The following PASK variants were observed in gnomAD, a reference collection of about 807,000 sequenced individuals.
The protein encoded by PASK is PAS domain-containing serine/threonine-protein kinase.
A neutral mutation model predicts 121.0 loss-of-function variants in PASK; 110 were observed. That is an observed-to-expected ratio of 0.91 (90% confidence interval 0.78 to 1.06). PASK has a LOEUF of 1.06. PASK is among the 50% of genes least tolerant of loss of function. The probability of loss-of-function intolerance (pLI) is 0.00; values close to 1 mark genes in which losing one functional copy is unlikely to be tolerated. For synonymous variants in PASK, 686 were observed against 717.8 expected (o/e 0.96, Z 0.71); for missense variants, 1,643 against 1,702.3 (o/e 0.97, Z 0.61).
In PASK at chr2:241,126,386, GC is replaced by G; in HGVS notation, c.2528del (p.Ser843ThrfsTer25). On this transcript the variant is annotated frameshift_variant, in exon 10 of 18. Coordinates refer to ENST00000234040, the MANE Select transcript of PASK (RefSeq NM_015148.4). LOFTEE classifies it high-confidence loss of function. Reference sequence around the variant, plus strand: ...CCAACGTGGAAGGAACGTGTCCTGGGCTTTCTCTGTCGCTTGCTGCATAATG... The same window carrying G: ...CCAACGTGGAAGGAACGTGTCCTGGGTTTCTCTGTCGCTTGCTGCATAATG... The part of the protein sequence containing the change: ...SEHYAASDRE[S>X]PGHVPSTLDA... 1 of 1,614,260 alleles carries G rather than the reference GC, an allele frequency of 6.2e-7. No individual in the cohort carries two copies. The highest frequency in any genetic ancestry group is 8.5e-7 in the Non-Finnish European group (1 of 1,180,052).
Position 241,135,930 on chromosome 2 carries a change from C to A in PASK, c.1247G>T (p.Gly416Val). The A allele has an allele frequency of 6.2e-7, 1 of 1,614,216 alleles. No individual in the cohort carries two copies. The highest frequency in any genetic ancestry group is 8.5e-7 in the Non-Finnish European group (1 of 1,180,022). ...ASCLDVGNES[G>V]CGERTLDPWQ... ...CGGGTCCAAGGTTCTCTCCCCACAC[C>A]CACTCTCATTGCCGACGTCCAGGCA... The change falls in exon 8 of 18, where the codon GGG becomes GTG. Residue 416 changes from glycine to valine, a missense_variant. Gly to Val is a moderately radical substitution (Grantham distance 109, BLOSUM62 -3). Coordinates refer to ENST00000234040, the MANE Select transcript of PASK (RefSeq NM_015148.4).
chr2:241,124,143 G>T lies in PASK; in HGVS notation c.2720-10C>A, dbSNP rs2065750239. The T allele has an allele frequency of 6.2e-7, 1 of 1,612,588 alleles. No homozygotes were observed. Among genetic ancestry groups the T allele is most frequent in the Non-Finnish European group, 8.5e-7 (1 of 1,179,048 alleles). On this transcript the variant is annotated splice_polypyrimidine_tract_variant and intron_variant, in intron 10 of 17. Coordinates refer to ENST00000234040, the MANE Select transcript of PASK (RefSeq NM_015148.4). ...ACCTCAAACTGTATACCTGAAGGGT[G>T]AGAAGGTAAGAACGCACAGGCCTGT...
chr2:241,107,742 G>A (rs1407278556), intron 16 of PASK, among the ~76,000 whole-genome samples: 2 of 152,230 alleles, frequency 1.3e-5, no homozygotes, highest in Non-Finnish European at 2.9e-5. Context: ...GTGGTGCAGA[G>A]GTTCCTAACT....
At chr2:241,111,018 G>A (rs893199493) in intron 15 of PASK, among the ~76,000 whole-genome samples, 3 of 152,248 alleles carry the variant, frequency 2.0e-5, no homozygotes, top group Non-Finnish European at 2.9e-5. Context: ...GTTGGCGCAG[G>A]CTGAGGCTGC....
At chr2:241,142,047 A>C (rs1425258111) in intron 2 of PASK, among the ~76,000 whole-genome samples, 1 of 151,736 alleles carries the variant, frequency 6.6e-6, no homozygotes, top group Non-Finnish European at 1.5e-5. Context: ...GGTGAAGCCC[A>C]CTCCCAAGGG....
In PASK at chr2:241,126,830, C is replaced by T. The variant is rs141882381; in HGVS notation, c.2085G>A (p.Ser695=). 7.4e-6 allele frequency: 12 copies of T among 1,613,344 alleles called. No homozygotes were observed. Among genetic ancestry groups the T allele is most frequent in the South Asian group, 1.1e-5 (1 of 91,070 alleles). The part of the protein sequence containing the change: ...TECQAVTAPV[S]SCDLGGRDLC... ...GGTCTCTGCCTCCCAGATCGCAGGA[C>T]GACACAGGAGCGGTGACAGCCTGGC... Residue 695 remains serine, a synonymous_variant, in exon 10 of 18, where the codon TCG becomes TCA. Transcript: ENST00000234040.
At chr2:241,109,330 C>G (rs747320106) in intron 15 of PASK, 1 of 152,504 alleles carries the variant, frequency 6.6e-6, no homozygotes, top group Non-Finnish European at 1.5e-5. Context: ...GCACCAGAGC[C>G]AGGTCACCAG....
At chr2:241,116,483 C>G (rs1038421532) in intron 12 of PASK, among the ~76,000 whole-genome samples, 3 of 152,220 alleles carry the variant, frequency 2.0e-5, no homozygotes, top group Middle Eastern at 3.4e-3. Flanking sequence ...CACGTCACCC[C>G]GACTTCTCAA....
At chr2:241,135,447 G>C (rs1002424486) in intron 8 of PASK, among the ~76,000 whole-genome samples, 1 of 152,102 alleles carries the variant, frequency 6.6e-6, no homozygotes, top group South Asian at 2.1e-4. Flanking sequence ...AGGTTGAAAA[G>C]AATCTGTGTA....
intron 9 of PASK, among the ~76,000 whole-genome samples, chr2:241,128,266 G>A (rs1368658609): frequency 6.6e-6 from 1 of 152,224 alleles, no homozygotes; most frequent in Admixed American, 6.5e-5. Flanking sequence ...GGGTGACAGA[G>A]TGAGACTCCG....
At position 241,107,477 on chromosome 2, in the gene PASK, C is replaced by T; in HGVS notation, c.3690G>A (p.Gly1230=). The part of the protein sequence containing the change: ...VSKELMSLVS[G]LLQPVPERRT... ...GTCTCTCAGGGACTGGCTGCAGCAGCCCAGACACAAGGCTCATGAGTTCTG... is the reference window on the plus strand; with the variant it reads ...GTCTCTCAGGGACTGGCTGCAGCAGTCCAGACACAAGGCTCATGAGTTCTG... The change falls in exon 17 of 18, where the codon GGG becomes GGA. Residue 1230 remains glycine, a synonymous_variant. Transcript: ENST00000234040. The T allele has an allele frequency of 6.2e-7, 1 of 1,614,030 alleles. No homozygotes were observed. The highest frequency in any genetic ancestry group is 8.5e-7 in the Non-Finnish European group (1 of 1,179,938).
intron 9 of PASK, among the ~76,000 whole-genome samples, chr2:241,128,088 C>T (rs1046612623): frequency 6.6e-6 from 1 of 152,216 alleles, no homozygotes; most frequent in Non-Finnish European, 1.5e-5. Context: ...CGAGACCAGA[C>T]TGGCCAACAT....
chr2:241,107,407 G>A lies in PASK; in HGVS notation c.3760C>T (p.Pro1254Ser), dbSNP rs535551889. ...KLVTDPWVTQ[P>S]VNLADYTWEE... Reference sequence around the variant, plus strand: ...CATGTATAGTCAGCAAGATTCACAGGCTGTGTTACCCACGGGTCTGTCACC... The same window carrying A: ...CATGTATAGTCAGCAAGATTCACAGACTGTGTTACCCACGGGTCTGTCACC... The change falls in exon 17 of 18, where the codon CCT becomes TCT. Residue 1254 changes from proline to serine, a missense_variant. By Grantham distance (74) the Pro-to-Ser change is moderately conservative. Transcript: ENST00000234040. 8.7e-6 allele frequency: 14 copies of A among 1,613,860 alleles called. No homozygotes were observed. In the South Asian group the frequency reaches 1.4e-4, roughly 16 times the overall value.
intron 15 of PASK, among the ~76,000 whole-genome samples, chr2:241,110,682 T>C (rs1050787284): frequency 6.6e-6 from 1 of 151,850 alleles, no homozygotes; most frequent in Non-Finnish European, 1.5e-5. Flanking sequence ...ACGGCCTGGG[T>C]ACAGGAAGGG....
chr2:241,122,774 G>GT lies in PASK; in HGVS notation c.3029_3030insA (p.Phe1010LeufsTer22), dbSNP rs1559369555. ...TGTCCACAGCAGTCCACACGAAGCC[G>GT]AAGGCCCCACTGCCCAGCGGGCTCA... On this transcript the variant is annotated frameshift_variant, in exon 12 of 18. Transcript: ENST00000234040. LOFTEE classifies it high-confidence loss of function. 6.2e-7 allele frequency: 1 copy of GT among 1,614,112 alleles called. No individual in the cohort carries two copies. Among genetic ancestry groups the GT allele is most frequent in the Admixed American group, 1.7e-5 (1 of 60,016 alleles).
rs62187393 is a variant in PASK at position 241,117,099 on chromosome 2, C to T, written c.3073-1686G>A. Among the ~76,000 whole-genome samples, 664 of 148,348 alleles carry T rather than the reference C, an allele frequency of 4.5e-3. 1 individual carries two copies. The highest frequency in any genetic ancestry group is 0.014 in the South Asian group (62 of 4,556). ...GGGAGGCGGGGGGCTGGGCAGGCAA[C>T]GTAAGTGGGCATCGGGAGGGCATCG... On this transcript the variant is annotated intron_variant, in intron 12 of 17. Coordinates refer to ENST00000234040, the MANE Select transcript of PASK (RefSeq NM_015148.4).
At chr2:241,142,257 T>C (rs2066734470) in intron 2 of PASK, among the ~76,000 whole-genome samples, 2 of 152,302 alleles carry the variant, frequency 1.3e-5, no homozygotes, top group South Asian at 4.1e-4. Flanking sequence ...TTCCCCATTT[T>C]CCAGGTCTAC....
upstream of PASK, chr2:241,149,609 A>G (rs2067187172): frequency 1.4e-5 from 21 of 1,526,816 alleles, no homozygotes; most frequent in Non-Finnish European, 1.8e-5. Flanking sequence ...GGGACGCACC[A>G]AACACCCCTA....
Position 241,115,023 on chromosome 2 carries a change from CG to C in PASK, c.3333+19del. ...ACCCAGGCCTGCGTTCACACTAACA[CG>C]GCTCTGGCCTGCTCTCACTTGTCGG... On this transcript the variant is annotated intron_variant, in intron 14 of 17. Coordinates refer to ENST00000234040, the MANE Select transcript of PASK (RefSeq NM_015148.4). 6.2e-7 allele frequency: 1 copy of C among 1,614,094 alleles called. No individual in the cohort carries two copies. The highest frequency in any genetic ancestry group is 8.5e-7 in the Non-Finnish European group (1 of 1,179,972).
Sources: gnomAD v4.1 joint callset for allele counts (sites outside exome capture counted in the v4.1 genomes callset) on GRCh38, gnomAD v4.1.1 for gene constraint, MANE v1.5 for transcripts, NCBI Gene and HGNC (gene_info 2026-07-23, HGNC 2026-07-21) for gene names.